The following TRPC5 variants were observed in gnomAD, a reference collection of about 807,000 sequenced individuals.
The protein encoded by TRPC5 is transient receptor potential cation channel subfamily C member 5, also known as short transient receptor potential channel 5.
TRPC5 carries 9 observed loss-of-function variants against 56.5 expected under a neutral mutation model. The observed-to-expected ratio is 0.16, with a 90% CI of 0.10 to 0.28. TRPC5 has a LOEUF of 0.28. TRPC5 is among the 10% of genes least tolerant of loss of function. The probability of loss-of-function intolerance (pLI) is 1.00; values close to 1 mark genes in which losing one functional copy is unlikely to be tolerated. For missense variants in TRPC5, 469 were observed against 748.9 expected (o/e 0.63, Z 4.36); for synonymous variants, 282 against 278.5 (o/e 1.01, Z -0.13).
intron 1 of TRPC5, among the ~76,000 whole-genome samples, chrX:111,957,496 T>C (rs1265196149): frequency 8.9e-6 from 1 of 112,141 alleles, no homozygotes. Context: ...CACTGTTATC[T>C]CCCACCTTAC....
chrX:111,888,510 CAAA>C (rs200585074), intron 3 of TRPC5, among the ~76,000 whole-genome samples: 2 of 65,295 alleles, frequency 3.1e-5, no homozygotes, highest in Non-Finnish European at 3.1e-5. Context: ...CCGTCTCTAC[CAAA>C]AAAAAAAAAA....
intron 3 of TRPC5, among the ~76,000 whole-genome samples, chrX:111,911,122 G>A (rs1022926691): frequency 1.2e-4 from 13 of 111,621 alleles, no homozygotes; most frequent in African/African-American, 3.6e-4. Flanking sequence ...TTTCTAAGGC[G>A]TGGTAGTTTT....
intron 1 of TRPC5, among the ~76,000 whole-genome samples, chrX:111,993,577 T>C (rs1928427318): frequency 1.8e-5 from 2 of 112,325 alleles, no homozygotes; most frequent in African/African-American, 6.5e-5. Flanking sequence ...TTTCCTGACT[T>C]TTTAATGATT....
chrX:111,888,723 A>AGAGG lies in TRPC5; in HGVS notation c.900+23567_900+23568insCCTC, dbSNP rs1924656650. Among the ~76,000 whole-genome samples, 4 of 100,523 alleles carry AGAGG rather than the reference A, an allele frequency of 4.0e-5. 1 individual carries two copies. The highest frequency in any genetic ancestry group is 1.6e-4 in the African/African-American group (4 of 24,783). 87.3% of individuals were successfully genotyped at this position (100,523 alleles called of 115,157 possible). On this transcript the variant is annotated intron_variant, in intron 3 of 10. Coordinates refer to ENST00000262839, the MANE Select transcript of TRPC5 (RefSeq NM_012471.3). ...AAAAAAAAAAAAAAAAAAAAAAGAA[A>AGAGG]GAAAAGAAAAGAAAAGAGACTGTAG...
At chrX:111,787,740 G>C (rs1354791038) in intron 7 of TRPC5, among the ~76,000 whole-genome samples, 17 of 111,469 alleles carry the variant, frequency 1.5e-4, no homozygotes, top group African/African-American at 5.5e-4. Flanking sequence ...TATCACCACT[G>C]GTCCCACAGA....
Position 111,973,697 on chromosome X carries a change from G to A in TRPC5, c.-21-21256C>T, listed in dbSNP as rs150326603. Among the ~76,000 whole-genome samples the A allele has an allele frequency of 1.5e-3, 164 of 111,846 alleles. 1 individual carries two copies. Among genetic ancestry groups the A allele is most frequent in the African/African-American group, 5.2e-3 (159 of 30,805 alleles). ...TAAATTTTCAGAAACTTTGTAAGCT[G>A]TTTTTAAATAGTTATTAAAAATTAA... On this transcript the variant is annotated intron_variant, in intron 1 of 10. Coordinates refer to ENST00000262839, the MANE Select transcript of TRPC5 (RefSeq NM_012471.3).
At chrX:111,969,642 A>G (rs940271095) in intron 1 of TRPC5, among the ~76,000 whole-genome samples, 3 of 111,830 alleles carry the variant, frequency 2.7e-5, no homozygotes, top group Non-Finnish European at 5.6e-5. Flanking sequence ...TAGGATATAG[A>G]TAGACAGATG....
chrX:111,797,532 T>TA (rs929747571), intron 7 of TRPC5, among the ~76,000 whole-genome samples: 2 of 112,209 alleles, frequency 1.8e-5, no homozygotes, highest in African/African-American at 6.5e-5. Context: ...AGCCTTTAGA[T>TA]AAAATTAGGT....
At chrX:111,804,380 T>G (rs1438590903) in intron 7 of TRPC5, among the ~76,000 whole-genome samples, 1 of 112,026 alleles carries the variant, frequency 8.9e-6, no homozygotes, top group African/African-American at 3.2e-5. Context: ...TTTTTCCAAT[T>G]CTGTGAAGGA....
At chrX:112,024,331 T>C (rs1256203376) in intron 1 of TRPC5, among the ~76,000 whole-genome samples, 3 of 111,641 alleles carry the variant, frequency 2.7e-5, no homozygotes, top group African/African-American at 9.8e-5. Flanking sequence ...ATGGCCCTCA[T>C]GCAATGAATT....
rs759919824 is a variant in TRPC5 at position 111,772,190 on chromosome X, G to A, written c.*4123C>T. On this transcript the variant is annotated 3_prime_UTR_variant, in exon 11 of 11. Coordinates refer to ENST00000262839, the MANE Select transcript of TRPC5 (RefSeq NM_012471.3). ...TTTGGGGTACTCAGATCCCACTGCC[G>A]AGTCCTACACCAACAAGGTGGATAT... is the stretch of plus-strand genomic sequence containing the variant. Among the ~76,000 whole-genome samples the A allele has an allele frequency of 1.8e-5, 2 of 111,315 alleles. No individual in the cohort carries two copies. Among genetic ancestry groups the A allele is most frequent in the Admixed American group, 9.6e-5 (1 of 10,445 alleles).
chrX:111,781,503 A>G (rs761999223), intron 8 of TRPC5, among the ~76,000 whole-genome samples: 1 of 112,057 alleles, frequency 8.9e-6, no homozygotes, highest in East Asian at 2.8e-4. Flanking sequence ...AGGCAGGAGG[A>G]TCACGAGGTC....
rs149282087 is a variant in TRPC5, at chrX:111,970,634, A to G, written c.-21-18193T>C. Among the ~76,000 whole-genome samples the G allele has an allele frequency of 7.4e-3, 826 of 111,705 alleles. 7 individuals carry two copies. Among genetic ancestry groups the G allele is most frequent in the African/African-American group, 0.026 (789 of 30,687 alleles). ...ATGAAAGAGAAAAACTTATCAGGGA[A>G]CATTTCTGAAAGCAATGGTATGTAC... On this transcript the variant is annotated intron_variant, in intron 1 of 10. Coordinates refer to ENST00000262839, the MANE Select transcript of TRPC5 (RefSeq NM_012471.3).
chrX:111,951,389 GA>G (rs761183274), intron 2 of TRPC5, among the ~76,000 whole-genome samples: 1 of 111,927 alleles, frequency 8.9e-6, no homozygotes, highest in East Asian at 2.8e-4. Context: ...GTATATGAAA[GA>G]TATTTGGAAG....
At chrX:112,060,491 A>G (rs761872404) in intron 1 of TRPC5, among the ~76,000 whole-genome samples, 1 of 112,417 alleles carries the variant, frequency 8.9e-6, no homozygotes, top group Non-Finnish European at 1.9e-5. Context: ...CATGTAATAT[A>G]TTTAGCATAA....
chrX:111,934,417 T>C (rs1462699241), intron 2 of TRPC5, among the ~76,000 whole-genome samples: 2 of 111,365 alleles, frequency 1.8e-5, no homozygotes, highest in Non-Finnish European at 3.8e-5. Context: ...ATAATAATCA[T>C]ATCAGGATAA....
intron 6 of TRPC5, among the ~76,000 whole-genome samples, chrX:111,842,524 A>G (rs1191503284): frequency 8.9e-6 from 1 of 112,177 alleles, no homozygotes; most frequent in Non-Finnish European, 1.9e-5. Context: ...TATCATTTTA[A>G]TAGCTGCCCA....
intron 1 of TRPC5, among the ~76,000 whole-genome samples, chrX:112,063,517 T>G (rs1930505343): frequency 8.9e-6 from 1 of 112,205 alleles, no homozygotes; most frequent in Non-Finnish European, 1.9e-5. Flanking sequence ...TTTGCTGCTT[T>G]TTTATACAAC....
At chrX:111,916,606 GT>G (rs1396093350) in intron 2 of TRPC5, among the ~76,000 whole-genome samples, 1 of 111,918 alleles carries the variant, frequency 8.9e-6, no homozygotes, top group African/African-American at 3.2e-5. Context: ...CCAGGTGTAG[GT>G]GTATACGCAT....
Sources: gnomAD v4.1 joint callset for allele counts (sites outside exome capture counted in the v4.1 genomes callset) on GRCh38, gnomAD v4.1.1 for gene constraint, MANE v1.5 for transcripts, NCBI Gene and HGNC (gene_info 2026-07-23, HGNC 2026-07-21) for gene names.